Variants in BCL11B observed in about 807,000 individuals in gnomAD.
BCL11B encodes BCL11 transcription factor B.
Under a neutral mutation model 49.9 loss-of-function variants are expected in BCL11B, and 8 were observed. The observed-to-expected ratio is 0.16, with a 90% CI of 0.09 to 0.29. The LOEUF (loss-of-function observed/expected upper bound fraction) is 0.29. Ranked by LOEUF, BCL11B falls within the 10% of genes least tolerant of loss-of-function variation. The probability of loss-of-function intolerance (pLI) is 1.00; values close to 1 mark genes in which losing one functional copy is unlikely to be tolerated. For synonymous variants in BCL11B, 739 were observed against 637.4 expected, an observed-to-expected ratio of 1.16 and a Z score of -2.40; for missense variants, 1,006 against 1,351.0, an observed-to-expected ratio of 0.74 and a Z score of 4.00.
intron 3 of BCL11B, among the ~76,000 whole-genome samples, chr14:99,224,655 C>T (rs1888108789): frequency 1.3e-5 from 2 of 152,208 alleles, no homozygotes; most frequent in South Asian, 4.1e-4. Context: ...TGGTCATGGG[C>T]TGTGGCCACG....
At position 99,257,991 on chromosome 14, in the gene BCL11B, G is replaced by A; in HGVS notation, c.59-152C>T. 9 of 990,976 alleles carry A rather than the reference G, an allele frequency of 9.1e-6. No homozygotes were observed. The East Asian group carries it at 2.2e-4, about 25-fold the overall frequency. 61.4% of individuals were successfully genotyped at this position (990,976 alleles called of 1,614,324 possible). A position where few individuals can be genotyped will look rare whatever the true frequency, so the allele number is the denominator to read the frequency against. On this transcript the variant is annotated intron_variant, in intron 1 of 3. Coordinates refer to ENST00000357195, the MANE Select transcript of BCL11B (RefSeq NM_138576.4). The surrounding 1 kb of genome is among the most constrained non-coding windows in gnomAD (Gnocchi z 6.2). Reference sequence around the variant, plus strand: ...AGCTCACCAGGTCCTCCCCGGGGTTGGGGGCTGGTGAGCATCCCCCACAGG... The same window carrying A: ...AGCTCACCAGGTCCTCCCCGGGGTTAGGGGCTGGTGAGCATCCCCCACAGG...
rs561887846 is a variant in BCL11B, at chr14:99,259,111, C to T, written c.59-1272G>A. ...TTTTTCGAGAGCAAATGTCAGTAGTCGTAGAGAAGACACGAGTGGCGGGGT... is the reference window on the plus strand; with the variant it reads ...TTTTTCGAGAGCAAATGTCAGTAGTTGTAGAGAAGACACGAGTGGCGGGGT... On this transcript the variant is annotated intron_variant, in intron 1 of 3. Coordinates refer to ENST00000357195, the MANE Select transcript of BCL11B (RefSeq NM_138576.4). Among the ~76,000 whole-genome samples, 14 of 152,154 alleles carry T rather than the reference C, an allele frequency of 9.2e-5. No individual in the cohort carries two copies. In the South Asian group the frequency reaches 2.1e-3, roughly 23 times the overall value.
At position 99,271,296 on chromosome 14, in the gene BCL11B, C is replaced by T; in HGVS notation, c.-78G>A. The stretch of plus-strand genomic sequence containing the variant: ...CCGGGGGAGGGGGTCCGAGCCGCCG[C>T]CGCGCCGCTGCCGCCGCTGCCGCCG... On this transcript the variant is annotated 5_prime_UTR_variant, in exon 1 of 4. Transcript: ENST00000357195. The T allele has an allele frequency of 1.1e-6, 1 of 893,740 alleles. No homozygotes were observed. Among genetic ancestry groups the T allele is most frequent in the Non-Finnish European group, 1.5e-6 (1 of 683,374 alleles). The allele number at this position is 893,740 out of a possible 1,614,324, so 55.4% of individuals were successfully genotyped here. A position where few individuals can be genotyped will look rare whatever the true frequency, so the allele number is the denominator to read the frequency against.
intron 3 of BCL11B, among the ~76,000 whole-genome samples, chr14:99,223,342 G>A (rs1303521094): frequency 2.0e-5 from 3 of 152,006 alleles, no homozygotes; most frequent in Non-Finnish European, 2.9e-5. Flanking sequence ...TATCTGCAAA[G>A]AGACCTCTTC....
At chr14:99,258,913 G>C (rs1889256883) in intron 1 of BCL11B, among the ~76,000 whole-genome samples, 1 of 152,004 alleles carries the variant, frequency 6.6e-6, no homozygotes. Flanking sequence ...GTGGGGGAGA[G>C]AGTAGGGAGC....
intron 3 of BCL11B, among the ~76,000 whole-genome samples, chr14:99,219,545 T>C (rs1234247608): frequency 6.6e-6 from 1 of 152,018 alleles, no homozygotes. Flanking sequence ...GCAAAACCAG[T>C]GTGATGATTC....
intron 3 of BCL11B, among the ~76,000 whole-genome samples, chr14:99,225,575 T>C (rs930585275): frequency 4.6e-5 from 7 of 152,152 alleles, no homozygotes; most frequent in African/African-American, 1.4e-4. Context: ...GCTATCTTAT[T>C]GCCAGTGCAT....
At chr14:99,259,645 T>C (rs773954565) in intron 1 of BCL11B, among the ~76,000 whole-genome samples, 1 of 152,184 alleles carries the variant, frequency 6.6e-6, no homozygotes, top group Non-Finnish European at 1.5e-5. Context: ...CCTAAATCTG[T>C]TGTCTGCATC....
At chr14:99,181,112 A>G (rs918134514) in intron 3 of BCL11B, among the ~76,000 whole-genome samples, 7 of 152,226 alleles carry the variant, frequency 4.6e-5, no homozygotes, top group Admixed American at 3.3e-4. Context: ...TCCTAAGGCC[A>G]AGTGATACCA....
Position 99,174,141 on chromosome 14 carries a change from G to C in BCL11B, c.*10C>G. On this transcript the variant is annotated 3_prime_UTR_variant, in exon 4 of 4. Transcript: ENST00000357195. ...CACTGTACAGGTGCGGGGCGCCGGG[G>C]CCCGCGCGCTTAGCTCCTCTCGGCC... 6.2e-7 allele frequency: 1 copy of C among 1,608,348 alleles called. No individual in the cohort carries two copies. The highest frequency in any genetic ancestry group is 1.1e-5 in the South Asian group (1 of 90,982).
chr14:99,260,647 CTTT>C (rs1000645118), intron 1 of BCL11B, among the ~76,000 whole-genome samples: 1 of 152,068 alleles, frequency 6.6e-6, no homozygotes, highest in Non-Finnish European at 1.5e-5. Context: ...TTTCTCTCCT[CTTT>C]TTTTTATTTT....
Position 99,247,942 on chromosome 14 carries a change from G to A in BCL11B, c.427+9529C>T, listed in dbSNP as rs1888895201. Among the ~76,000 whole-genome samples, 1 of 152,236 alleles carries A rather than the reference G, an allele frequency of 6.6e-6. No homozygotes were observed. Among genetic ancestry groups the A allele is most frequent in the East Asian group, 1.9e-4 (1 of 5,188 alleles). On this transcript the variant is annotated intron_variant, in intron 2 of 3. Coordinates refer to ENST00000357195, the MANE Select transcript of BCL11B (RefSeq NM_138576.4). The surrounding 1 kb of genome is among the most constrained non-coding windows in gnomAD (Gnocchi z 4.5). ...CAAACATTGCCTTGGCTTAGAGACAGAGCAGGCGGTCCTGGGCTGGGGGGC... is the reference window on the plus strand; with the variant it reads ...CAAACATTGCCTTGGCTTAGAGACAAAGCAGGCGGTCCTGGGCTGGGGGGC...
At chr14:99,179,975 C>T (rs1886653695) in intron 3 of BCL11B, among the ~76,000 whole-genome samples, 1 of 152,188 alleles carries the variant, frequency 6.6e-6, no homozygotes, top group African/African-American at 2.4e-5. Flanking sequence ...ATATTTTAAA[C>T]ACATGGCACG....
At position 99,175,099 on chromosome 14, in the gene BCL11B, C is replaced by T. The variant is rs762694354; in HGVS notation, c.1737G>A (p.Ala579=). The T allele has an allele frequency of 2.5e-6, 4 of 1,598,966 alleles. No individual in the cohort carries two copies. Among genetic ancestry groups the T allele is most frequent in the South Asian group, 1.1e-5 (1 of 90,806 alleles). The change falls in exon 4 of 4, where the codon GCG becomes GCA. Residue 579 remains alanine, a synonymous_variant. Transcript: ENST00000357195. ...GGGGVPGVPG[A]GGGAAKALAD... Reference sequence around the variant, plus strand: ...CCAGCGCCTTGGCCGCGCCGCCCCCCGCGCCCGGGACCCCGGGCACCCCAC... The same window carrying T: ...CCAGCGCCTTGGCCGCGCCGCCCCCTGCGCCCGGGACCCCGGGCACCCCAC...
At position 99,195,087 on chromosome 14, in the gene BCL11B, C is replaced by T. The variant is rs540223847; in HGVS notation, c.641-18892G>A. On this transcript the variant is annotated intron_variant, in intron 3 of 3. Coordinates refer to ENST00000357195, the MANE Select transcript of BCL11B (RefSeq NM_138576.4). The surrounding 1 kb of genome is among the most constrained non-coding windows in gnomAD (Gnocchi z 4.7). ...AAGGGCTTCCTGAGGTCGCACAGCC[C>T]AAGGATGAGGCTGGCGCAGGAACTC... Among the ~76,000 whole-genome samples the T allele has an allele frequency of 1.3e-5, 2 of 152,202 alleles. No individual in the cohort carries two copies. The highest frequency in any genetic ancestry group is 2.9e-5 in the Non-Finnish European group (2 of 68,028).
chr14:99,268,021 GA>G (rs1204466169), intron 1 of BCL11B, among the ~76,000 whole-genome samples: 1 of 151,650 alleles, frequency 6.6e-6, no homozygotes, highest in Non-Finnish European at 1.5e-5. Flanking sequence ...GTGGTCAGCC[GA>G]TCCCCCTTAA....
rs115163662 is a variant in BCL11B at position 99,257,651 on chromosome 14, C to T, written c.247G>A (p.Gly83Ser). The change falls in exon 2 of 4, where the codon GGC (glycine) becomes AGC (serine). Residue 83 changes from glycine to serine, a missense_variant. Coordinates refer to ENST00000357195, the MANE Select transcript of BCL11B (RefSeq NM_138576.4). This position sits in a 1 kb window ranked among gnomAD's most constrained non-coding sequence, Gnocchi z 6.2. ...FIEHKRKQCG[G>S]SLGACYDKAL... ...TTGTCATAGCAGGCACCCAAGCTGC[C>T]GCCACACTGCTTCCTTTTGTGCTCT... is the stretch of plus-strand genomic sequence containing the variant. The T allele has an allele frequency of 2.8e-5, 45 of 1,613,088 alleles. 1 individual carries two copies. Among genetic ancestry groups the T allele is most frequent in the African/African-American group, 1.1e-4 (8 of 75,008 alleles).
intron 3 of BCL11B, among the ~76,000 whole-genome samples, chr14:99,206,297 G>A (rs1440724251): frequency 2.6e-5 from 4 of 152,162 alleles, no homozygotes; most frequent in South Asian, 4.1e-4. Context: ...AATAGTCCAC[G>A]GGTACTCTTG....
At position 99,186,556 on chromosome 14, in the gene BCL11B, C is replaced by T. The variant is rs190208887; in HGVS notation, c.641-10361G>A. Among the ~76,000 whole-genome samples, 266 of 152,262 alleles carry T rather than the reference C, an allele frequency of 1.7e-3. 1 individual carries two copies. Among genetic ancestry groups the T allele is most frequent in the African/African-American group, 5.9e-3 (244 of 41,558 alleles). ...CATCATGCAGAGAAGGGAGGGAAAGCGCATGCCTGGCAGAGGTACTGCATG... is the reference window on the plus strand; with the variant it reads ...CATCATGCAGAGAAGGGAGGGAAAGTGCATGCCTGGCAGAGGTACTGCATG... On this transcript the variant is annotated intron_variant, in intron 3 of 3. Coordinates refer to ENST00000357195, the MANE Select transcript of BCL11B (RefSeq NM_138576.4).
Sources: allele counts gnomAD v4.1 joint callset (sites outside exome capture counted in the v4.1 genomes callset), GRCh38; gene constraint gnomAD v4.1.1; non-coding constraint Gnocchi (gnomAD v3.1); transcripts MANE v1.5; gene names NCBI Gene and HGNC (gene_info 2026-07-23, HGNC 2026-07-21).